The following UTRN variants were observed in gnomAD, a reference collection of about 807,000 sequenced individuals.
The protein encoded by UTRN is utrophin.
UTRN carries 283 observed loss-of-function variants against 463.9 expected under a neutral mutation model. That is an observed-to-expected ratio of 0.61 (90% confidence interval 0.55 to 0.67). The LOEUF is 0.67. Ranked by LOEUF, UTRN falls within the 30% of genes least tolerant of loss-of-function variation. The pLI is 0.00. For synonymous variants in UTRN, 1,442 were observed against 1,431.5 expected (o/e 1.01, Z -0.17); for missense variants, 3,922 against 4,084.3 (o/e 0.96, Z 1.08).
intron 2 of UTRN, among the ~76,000 whole-genome samples, chr6:144,377,615 A>G (rs1488429265): frequency 6.6e-6 from 1 of 152,110 alleles, no homozygotes; most frequent in Non-Finnish European, 1.5e-5. Flanking sequence ...GCCATTATTA[A>G]CAGTTTCTTT....
In UTRN at chr6:144,840,773, C is replaced by G. The variant is rs749975745; in HGVS notation, c.10211C>G (p.Thr3404Ser). Reference protein sequence around the residue: ...GEDLLAPPHDTSTDLTEVMEQ... With the variant: ...GEDLLAPPHDSSTDLTEVMEQ... ...GACCTGCTGGCCCCACCGCACGACA[C>G]CAGCACGGATCTCACGGAGGTCATG... is the stretch of plus-strand genomic sequence containing the variant. The change falls in exon 73 of 75, where the codon ACC becomes AGC. Residue 3404 changes from threonine (T) to serine (S), a missense_variant. Coordinates refer to ENST00000367545, the MANE Select transcript of UTRN (RefSeq NM_007124.3). 2 of 1,613,938 alleles carry G rather than the reference C, an allele frequency of 1.2e-6. No homozygotes were observed. Among genetic ancestry groups the G allele is most frequent in the Admixed American group, 1.7e-5 (1 of 59,998 alleles).
intron 39 of UTRN, among the ~76,000 whole-genome samples, chr6:144,517,153 C>A (rs1461053768): frequency 5.9e-5 from 9 of 151,930 alleles, no homozygotes; most frequent in Non-Finnish European, 1.2e-4. Flanking sequence ...TATTGGCCAT[C>A]TCTTTTGGAT....
chr6:144,768,958 G>GTTTTTTTTTTTTTTTTTT (rs1158164345), intron 58 of UTRN, among the ~76,000 whole-genome samples: 1 of 112,518 alleles, frequency 8.9e-6, no homozygotes, highest in Non-Finnish European at 1.9e-5. Context: ...GTTTTGTTTT[G>GTTTTTTTTTTTTTTTTTT]TTTTTTTTTT....
At chr6:144,613,446 C>T (rs928490814) in intron 51 of UTRN, among the ~76,000 whole-genome samples, 1 of 151,920 alleles carries the variant, frequency 6.6e-6, no homozygotes, top group Non-Finnish European at 1.5e-5. Flanking sequence ...TTGATCATGC[C>T]GTGTTGTATC....
rs542527920 is a variant in UTRN at position 144,537,938 on chromosome 6, G to A, written c.6369+221G>A. 1.8e-3 allele frequency among the ~76,000 whole-genome samples: 278 copies of A among 152,094 alleles called. 1 individual carries two copies. The highest frequency in any genetic ancestry group is 3.4e-3 in the Non-Finnish European group (230 of 68,014). ...TTATGTAAAAAGAACAAACTATTATGGTGTCAGTATTAGACCAAAGGTTTT... is the reference window on the plus strand; with the variant it reads ...TTATGTAAAAAGAACAAACTATTATAGTGTCAGTATTAGACCAAAGGTTTT... On this transcript the variant is annotated intron_variant, in intron 44 of 74. Coordinates refer to ENST00000367545, the MANE Select transcript of UTRN (RefSeq NM_007124.3).
At chr6:144,673,774 G>T (rs1415669883) in intron 51 of UTRN, among the ~76,000 whole-genome samples, 1 of 152,054 alleles carries the variant, frequency 6.6e-6, no homozygotes, top group African/African-American at 2.4e-5. Context: ...TTATATTTTG[G>T]TGTATTTCAA....
intron 51 of UTRN, among the ~76,000 whole-genome samples, chr6:144,617,821 G>A (rs1806299761): frequency 6.6e-6 from 1 of 152,162 alleles, no homozygotes; most frequent in Admixed American, 6.5e-5. Flanking sequence ...CTACCGGGGA[G>A]TATGCTTGCA....
intron 2 of UTRN, among the ~76,000 whole-genome samples, chr6:144,332,960 G>T (rs1776445522): frequency 6.7e-6 from 1 of 149,644 alleles, no homozygotes; most frequent in Non-Finnish European, 1.5e-5. Flanking sequence ...TTGAGATGGA[G>T]TCTCATTCTG....
At chr6:144,534,327 A>G (rs1034135650) in intron 43 of UTRN, among the ~76,000 whole-genome samples, 1 of 152,166 alleles carries the variant, frequency 6.6e-6, no homozygotes, top group Non-Finnish European at 1.5e-5. Context: ...AGCTTTAGAA[A>G]CTGAGGCTAA....
intron 51 of UTRN, among the ~76,000 whole-genome samples, chr6:144,578,577 C>T (rs2128625350): frequency 6.6e-6 from 1 of 152,280 alleles, no homozygotes; most frequent in South Asian, 2.1e-4. Context: ...TTAAGTGATC[C>T]ACCTGCCTCG....
intron 51 of UTRN, among the ~76,000 whole-genome samples, chr6:144,677,515 T>C (rs1179149560): frequency 6.6e-6 from 1 of 152,236 alleles, no homozygotes; most frequent in Non-Finnish European, 1.5e-5. Flanking sequence ...CAGTCTATCA[T>C]TGATGGGCAT....
chr6:144,467,078 A>G (rs922302755), intron 23 of UTRN, among the ~76,000 whole-genome samples: 1 of 152,266 alleles, frequency 6.6e-6, no homozygotes, highest in African/African-American at 2.4e-5. Flanking sequence ...AGTGCCATTA[A>G]TACAAAATGT....
chr6:144,731,448 A>C (rs575664567), intron 54 of UTRN, among the ~76,000 whole-genome samples: 15 of 152,364 alleles, frequency 9.8e-5, no homozygotes, highest in African/African-American at 3.6e-4. Context: ...GCAAACCTGA[A>C]AGATTGCCTC....
chr6:144,502,480 A>G (rs976555074), intron 34 of UTRN, among the ~76,000 whole-genome samples: 2 of 151,894 alleles, frequency 1.3e-5, no homozygotes, highest in Non-Finnish European at 2.9e-5. Context: ...TCATTGTTCA[A>G]TTCCCACTTA....
At chr6:144,634,766 G>T (rs1776925211) in intron 51 of UTRN, among the ~76,000 whole-genome samples, 1 of 152,136 alleles carries the variant, frequency 6.6e-6, no homozygotes, top group Admixed American at 6.5e-5. Context: ...GAATCCTACA[G>T]TTTATAGTGC....
At chr6:144,429,848 G>T (rs1785640674) in intron 9 of UTRN, 107 bp downstream of exon 9, 1 of 1,204,800 alleles carries the variant, frequency 8.3e-7, no homozygotes, top group East Asian at 2.6e-5. Flanking sequence ...AGAACATCTT[G>T]GTTTCTCAGC....
At chr6:144,385,895 G>A (rs1781374833) in intron 2 of UTRN, among the ~76,000 whole-genome samples, 1 of 152,038 alleles carries the variant, frequency 6.6e-6, no homozygotes, top group Admixed American at 6.6e-5. Context: ...TTTTAGTAGA[G>A]ACAAGGTTTC....
chr6:144,307,076 A>G (rs2114547696), intron 2 of UTRN, among the ~76,000 whole-genome samples: 1 of 151,408 alleles, frequency 6.6e-6, no homozygotes, highest in Admixed American at 6.6e-5. Flanking sequence ...AAAAAAAAAA[A>G]TCAAGAACTG....
chr6:144,577,493 T>G (rs113824803), intron 51 of UTRN, among the ~76,000 whole-genome samples: 46 of 152,302 alleles, frequency 3.0e-4, no homozygotes, highest in African/African-American at 1.0e-3. Flanking sequence ...ACCCACCTTG[T>G]TTTATGGAAG....
Sources: gnomAD v4.1 joint callset for allele counts (sites outside exome capture counted in the v4.1 genomes callset) on GRCh38, gnomAD v4.1.1 for gene constraint, MANE v1.5 for transcripts, NCBI Gene and HGNC (gene_info 2026-07-23, HGNC 2026-07-21) for gene names.